UTP20: variants seen among roughly 807,000 people sequenced by gnomAD.
UTP20 encodes small subunit processome component 20 homolog.
In UTP20, 164 loss-of-function variants were observed where a neutral mutation model predicts 329.5. The ratio of observed to expected loss-of-function variants is 0.50; its 90% CI spans 0.44 to 0.57. The LOEUF (loss-of-function observed/expected upper bound fraction) is 0.57, where lower values mean the gene tolerates loss of function less well. Ranked by LOEUF, UTP20 falls within the 20% of genes least tolerant of loss-of-function variation. UTP20 has a pLI of 0.00. For synonymous variants in UTP20, 1,151 were observed against 1,159.3 expected (o/e 0.99, Z 0.14); for missense variants, 3,055 against 3,284.2 (o/e 0.93, Z 1.71).
At chr12:101,350,955 G>A (rs1276993088) in intron 38 of UTP20, among the ~76,000 whole-genome samples, 2 of 152,090 alleles carry the variant, frequency 1.3e-5, no homozygotes, top group Non-Finnish European at 2.9e-5. Context: ...TCCTAACTCA[G>A]AAAGACCACT....
chr12:101,304,833 C>T (rs61944205), intron 15 of UTP20, among the ~76,000 whole-genome samples: 5,940 of 152,244 alleles, frequency 0.039, 176 homozygotes, highest in Non-Finnish European at 0.063. Context: ...CATCATGTTC[C>T]TCGGGGCTCC....
rs1869727163 is a variant in UTP20 at position 101,356,537 on chromosome 12, C to G, written c.5395-17C>G. Reference sequence around the variant, plus strand: ...CCATTTATTTTCATTTTAGCTTAACCTAAATTTTTCTTACAGACTAAAAGG... The same window carrying G: ...CCATTTATTTTCATTTTAGCTTAACGTAAATTTTTCTTACAGACTAAAAGG... On this transcript the variant is annotated splice_polypyrimidine_tract_variant and intron_variant, in intron 41 of 61. Coordinates refer to ENST00000261637, the MANE Select transcript of UTP20 (RefSeq NM_014503.3). The G allele has an allele frequency of 1.3e-6, 2 of 1,593,884 alleles. No homozygotes were observed. Among genetic ancestry groups the G allele is most frequent in the African/African-American group, 2.7e-5 (2 of 73,980 alleles).
chr12:101,365,566 T>C lies in UTP20; in HGVS notation c.6066T>C (p.Ile2022=). The C allele has an allele frequency of 4.3e-6, 7 of 1,612,612 alleles. No homozygotes were observed. Among genetic ancestry groups the C allele is most frequent in the Non-Finnish European group, 5.1e-6 (6 of 1,179,636 alleles). ...IVNQEMTAES[I]LLLSYGLISE... is the part of the protein sequence containing the mutation. ...ATCAGGAAATGACAGCTGAATCCATTCTATTACTCAGTTATGGTTTGATCA... is the reference window on the plus strand; with the variant it reads ...ATCAGGAAATGACAGCTGAATCCATCCTATTACTCAGTTATGGTTTGATCA... Residue 2022 remains isoleucine (I), a synonymous_variant, in exon 46 of 62, where the codon ATT becomes ATC. Coordinates refer to ENST00000261637, the MANE Select transcript of UTP20 (RefSeq NM_014503.3).
At chr12:101,317,318 G>T (rs1451155423) in intron 21 of UTP20, among the ~76,000 whole-genome samples, 160 bp from the exon 22 acceptor site, 1 of 152,192 alleles carries the variant, frequency 6.6e-6, no homozygotes, top group Non-Finnish European at 1.5e-5. Context: ...GAAGGACCAA[G>T]TTAGGAAAGA....
At chr12:101,376,941 C>T (rs1870494093) in intron 56 of UTP20, among the ~76,000 whole-genome samples, 1 of 152,150 alleles carries the variant, frequency 6.6e-6, no homozygotes, top group African/African-American at 2.4e-5. Context: ...AGCCACCACA[C>T]CCGGCCAATT....
chr12:101,374,612 A>G (rs1870411629), intron 54 of UTP20, among the ~76,000 whole-genome samples, 196 bp from the exon 55 acceptor site: 1 of 152,202 alleles, frequency 6.6e-6, no homozygotes, highest in South Asian at 2.1e-4. Context: ...TTAAAATGTT[A>G]TTCTTGAGTG....
In UTP20 at chr12:101,383,233, G is replaced by A. The variant is rs746728087; in HGVS notation, c.7849G>A (p.Ala2617Thr). 2.5e-6 allele frequency: 4 copies of A among 1,614,184 alleles called. No homozygotes were observed. The highest frequency in any genetic ancestry group is 1.7e-5 in the Admixed American group (1 of 60,016). Residue 2617 changes from alanine to threonine, a missense_variant, in exon 59 of 62, where the codon GCC becomes ACC. Physicochemically the swap from Ala to Thr is moderately conservative, Grantham distance 58. Around this residue, in one of 3 missense-constraint regions of UTP20, gnomAD observed 337 missense variants for 345.5 expected, o/e 0.98. Coordinates refer to ENST00000261637, the MANE Select transcript of UTP20 (RefSeq NM_014503.3). Reference sequence around the variant, plus strand: ...GGTGAAGGAAGAGCTCGGCAGGCCGGCCACGCTGCTGTGGTTGATCCAGAA... The same window carrying A: ...GGTGAAGGAAGAGCTCGGCAGGCCGACCACGCTGCTGTGGTTGATCCAGAA... Reference protein sequence around the residue: ...EEVKEELGRPATLLWLIQKLS... With the variant: ...EEVKEELGRPTTLLWLIQKLS...
chr12:101,362,802 T>G (rs1318218102), intron 44 of UTP20, among the ~76,000 whole-genome samples: 1 of 132,932 alleles, frequency 7.5e-6, no homozygotes, highest in Non-Finnish European at 1.5e-5. Context: ...TCATTTGTTT[T>G]AAAATGTAGA....
chr12:101,336,640 TCTGTAAGG>T (rs976032424), intron 29 of UTP20, among the ~76,000 whole-genome samples: 2 of 152,188 alleles, frequency 1.3e-5, no homozygotes, highest in African/African-American at 4.8e-5. Context: ...CCTTTCCAGC[TCTGTAAGG>T]CCCTGTCATC....
chr12:101,282,612 G>A (rs1351658913), intron 2 of UTP20, among the ~76,000 whole-genome samples: 1 of 152,200 alleles, frequency 6.6e-6, no homozygotes, highest in Admixed American at 6.5e-5. Flanking sequence ...AGAGTTCTAG[G>A]ACTGTAAGCA....
At chr12:101,356,872 GTT>G in intron 42 of UTP20, 52 bp from the exon 43 acceptor site, 8 of 1,559,788 alleles carry the variant, frequency 5.1e-6, no homozygotes, top group Non-Finnish European at 7.0e-6. Context: ...ATATGTGTAT[GTT>G]TAATTGCTTC....
intron 25 of UTP20, among the ~76,000 whole-genome samples, chr12:101,323,496 AT>A (rs1868446825): frequency 6.6e-6 from 1 of 152,076 alleles, no homozygotes; most frequent in Admixed American, 6.6e-5. Context: ...TGTTGTTATT[AT>A]TTTTTGATTG....
chr12:101,341,748 T>TA (rs937278566), intron 32 of UTP20, among the ~76,000 whole-genome samples: 6 of 151,732 alleles, frequency 4.0e-5, no homozygotes, highest in African/African-American at 1.5e-4. Context: ...CTACTAAAAA[T>TA]AAAAAAATTA....
chr12:101,380,922 G>A (rs1242979269), intron 57 of UTP20, among the ~76,000 whole-genome samples: 1 of 149,994 alleles, frequency 6.7e-6, no homozygotes. Context: ...CCCAAAATGT[G>A]AAAGTATCCC....
At chr12:101,367,805 A>AG in intron 47 of UTP20, 55 bp from the exon 48 acceptor site, 1 of 1,049,566 alleles carries the variant, frequency 9.5e-7, no homozygotes, top group Non-Finnish European at 1.5e-6. Flanking sequence ...ACATTTACCT[A>AG]ACTCATCTGG....
At position 101,306,757 on chromosome 12, in the gene UTP20, T is replaced by C. The variant is rs1872650596; in HGVS notation, c.1991T>C (p.Met664Thr). The C allele has an allele frequency of 6.2e-7, 1 of 1,604,646 alleles. No individual in the cohort carries two copies. Among genetic ancestry groups the C allele is most frequent in the Non-Finnish European group, 8.5e-7 (1 of 1,175,064 alleles). Residue 664 changes from methionine to threonine, a missense_variant, in exon 17 of 62, where the codon ATG becomes ACG. Around this residue, in one of 3 missense-constraint regions of UTP20, gnomAD observed 2,445 missense variants for 2,575.5 expected, o/e 0.95. Coordinates refer to ENST00000261637, the MANE Select transcript of UTP20 (RefSeq NM_014503.3). ...TTTGATGTCCAGCTTCCAGAATCAA[T>C]GGAGGTATTTTAACTGTTTGAGTGG... ...NHFDVQLPES[M>T]EDDGLSERQS...
chr12:101,363,780 T>C, intron 45 of UTP20, 37 bp downstream of exon 45: 1 of 1,361,286 alleles, frequency 7.3e-7, no homozygotes, highest in Admixed American at 1.7e-5. Context: ...ATCACAGCAT[T>C]ACAATCTCAT....
chr12:101,381,028 T>C (rs1870629156), intron 57 of UTP20, 112 bp from the exon 58 acceptor site: 1 of 905,326 alleles, frequency 1.1e-6, no homozygotes, highest in South Asian at 1.5e-5. Context: ...CAGGTGGTCA[T>C]TCAGAGCAAA....
chr12:101,366,823 T>C (rs563799070), intron 47 of UTP20, 124 bp downstream of exon 47: 132 of 1,200,952 alleles, frequency 1.1e-4, no homozygotes, highest in South Asian at 3.2e-4. Context: ...CATTTTAGAT[T>C]TTTTTTTTTT....
Sources: gnomAD v4.1 joint callset for allele counts (sites outside exome capture counted in the v4.1 genomes callset) on GRCh38, gnomAD v4.1.1 for gene constraint, gnomAD v4.1.1 regional missense constraint, MANE v1.5 for transcripts, NCBI Gene and HGNC (gene_info 2026-07-23, HGNC 2026-07-21) for gene names.